The following OTC variants were observed in gnomAD, a reference collection of about 807,000 sequenced individuals.
OTC encodes ornithine transcarbamylase, mitochondrial.
In OTC, 3 loss-of-function variants were observed where a neutral mutation model predicts 30.3. The observed-to-expected ratio is 0.10, with a 90% CI of 0.05 to 0.26. OTC has a LOEUF of 0.26. Ranked by LOEUF, OTC falls within the 10% of genes least tolerant of loss-of-function variation. OTC has a pLI of 1.00. For synonymous variants in OTC, 111 were observed against 99.7 expected (o/e 1.11, Z -0.67); for missense variants, 194 against 260.3 (o/e 0.75, Z 1.75).
At chrX:38,327,719 G>A in the OTC span, among the ~76,000 whole-genome samples, 1 of 113,036 alleles carries the variant, frequency 8.8e-6, no homozygotes, top group Non-Finnish European at 1.9e-5. Context: ...GTGATGCTGT[G>A]GAGTCCGCGC....
chrX:38,368,797 A>G (rs1322595223), intron 2 of OTC, among the ~76,000 whole-genome samples: 2 of 102,124 alleles, frequency 2.0e-5, no homozygotes, highest in Non-Finnish European at 4.0e-5. Flanking sequence ...TGTTCCTATA[A>G]AACACCTGAA....
rs751148943 is a variant in OTC at position 38,418,295 on chromosome X, G to A, written c.1006-2728G>A. ...ATTTGTATGTCTTCTTTGGAAAAAT[G>A]CCTGTTCAGGTCCTTTGCCCATTTT... On this transcript the variant is annotated intron_variant, in intron 9 of 9. Transcript: ENST00000039007. Among the ~76,000 whole-genome samples, 5 of 111,755 alleles carry A rather than the reference G, an allele frequency of 4.5e-5. No homozygotes were observed. In the South Asian group the frequency reaches 1.9e-3, roughly 42 times the overall value.
chrX:38,331,413 C>T, the OTC span, among the ~76,000 whole-genome samples: 1 of 102,869 alleles, frequency 9.7e-6, no homozygotes, highest in African/African-American at 3.6e-5. Flanking sequence ...GCCACTACAC[C>T]CAGCTAATTT....
chrX:38,401,041 C>T (rs955713157), intron 4 of OTC, among the ~76,000 whole-genome samples: 12 of 111,979 alleles, frequency 1.1e-4, no homozygotes, highest in Non-Finnish European at 1.9e-4. Flanking sequence ...CCACAATTAT[C>T]TCCATAAAAA....
At chrX:38,332,969 G>C in the OTC span, among the ~76,000 whole-genome samples, 1 of 111,283 alleles carries the variant, frequency 9.0e-6, no homozygotes, top group East Asian at 2.8e-4. Flanking sequence ...CGTAATCCCA[G>C]AACTTTGGGA....
intron 6 of OTC, among the ~76,000 whole-genome samples, chrX:38,403,971 T>C (rs2068503761): frequency 8.9e-6 from 1 of 112,365 alleles, no homozygotes; most frequent in Non-Finnish European, 1.9e-5. Flanking sequence ...TTCTATGAGT[T>C]AGTGTTAAAA....
At position 38,421,373 on chromosome X, in the gene OTC, T is replaced by C; in HGVS notation, c.*291T>C. ...ATTTACTTCAACATAAAATACTGTG[T>C]TCATAATGTATAATGTCTAAGCCAT... On this transcript the variant is annotated 3_prime_UTR_variant, in exon 10 of 10. Coordinates refer to ENST00000039007, the MANE Select transcript of OTC (RefSeq NM_000531.6). The C allele has an allele frequency of 3.5e-6, 1 of 288,963 alleles. No individual in the cohort carries two copies. The highest frequency in any genetic ancestry group is 4.2e-5 in the South Asian group (1 of 23,907). The allele number at this position is 288,963 out of a possible 1,213,427, so 23.8% of individuals were successfully genotyped here. A position where few individuals can be genotyped will look rare whatever the true frequency, so the allele number is the denominator to read the frequency against.
chrX:38,420,946 A>C, intron 9 of OTC, 77 bp from the exon 10 acceptor site: 94 of 666,648 alleles, frequency 1.4e-4, no homozygotes, highest in Non-Finnish European at 2.1e-4. Flanking sequence ...GCTGAAACCT[A>C]ATTCACCTTC....
intron 8 of OTC, among the ~76,000 whole-genome samples, chrX:38,411,436 C>T (rs2068541494): frequency 9.2e-6 from 1 of 108,850 alleles, no homozygotes; most frequent in Admixed American, 9.8e-5. Context: ...AGAGGCGAGG[C>T]GGGCGGATCA....
In OTC at chrX:38,408,755, A is replaced by C. The variant is rs1241382190; in HGVS notation, c.677A>C (p.Asp226Ala). 8.3e-7 allele frequency: 1 copy of C among 1,198,680 alleles called. No homozygotes were observed. Among genetic ancestry groups the C allele is most frequent in the African/African-American group, 1.8e-5 (1 of 57,069 alleles). Residue 226 changes from aspartate (D) to alanine (A), a missense_variant, in exon 7 of 10, where the codon GAT becomes GCT. Asp to Ala is a moderately radical substitution (Grantham distance 126). Transcript: ENST00000039007. The stretch of plus-strand genomic sequence containing the variant: ...TTCCTCCTTTAGGGTTATGAGCCGG[A>C]TGCTAGTGTAACCAAGTTGGCAGAG... The part of the protein sequence containing the change: ...QAATPKGYEP[D>A]ASVTKLAEQY...
intron 9 of OTC, among the ~76,000 whole-genome samples, 188 bp downstream of exon 9, chrX:38,412,187 T>C (rs2068547679): frequency 8.9e-6 from 1 of 112,229 alleles, no homozygotes. Flanking sequence ...TGTATTTGCA[T>C]GGAGTGAGAT....
chrX:38,384,398 C>T (rs995199821), intron 4 of OTC, among the ~76,000 whole-genome samples: 1 of 111,635 alleles, frequency 9.0e-6, no homozygotes, highest in Admixed American at 9.5e-5. Context: ...CTTAATCTGC[C>T]AAAATATCTG....
chrX:38,377,322 A>G (rs1017680704), intron 3 of OTC, among the ~76,000 whole-genome samples: 2 of 111,668 alleles, frequency 1.8e-5, no homozygotes, highest in Non-Finnish European at 3.8e-5. Flanking sequence ...AAGCAGTACT[A>G]AGAGGGACAT....
At chrX:38,342,617 T>C in the OTC span, among the ~76,000 whole-genome samples, 1 of 111,658 alleles carries the variant, frequency 9.0e-6, no homozygotes, top group East Asian at 2.8e-4. Context: ...TGGTAATACA[T>C]TGCATAACAA....
At chrX:38,364,272 A>T (rs1433155012) in intron 1 of OTC, among the ~76,000 whole-genome samples, 1 of 112,227 alleles carries the variant, frequency 8.9e-6, no homozygotes, top group African/African-American at 3.2e-5. Flanking sequence ...TACATTATGA[A>T]TCCATGTTTA....
At chrX:38,367,507 A>T in intron 2 of OTC, 78 bp downstream of exon 2, 1 of 850,971 alleles carries the variant, frequency 1.2e-6, no homozygotes, top group Non-Finnish European at 1.7e-6. Flanking sequence ...AGAAAGAGGG[A>T]AAAAAATACA....
chrX:38,350,893 T>C (rs143718506), upstream of OTC, among the ~76,000 whole-genome samples: 534 of 111,873 alleles, frequency 4.8e-3, 5 homozygotes, highest in African/African-American at 0.016. Context: ...ATGGGCTTTA[T>C]ATTAGCCTGT....
the OTC span, among the ~76,000 whole-genome samples, chrX:38,338,997 T>C: frequency 3.6e-5 from 4 of 111,570 alleles, no homozygotes; most frequent in Non-Finnish European, 7.5e-5. Flanking sequence ...TAGCAGCGGG[T>C]GGAGAAAGGG....
At position 38,406,253 on chromosome X, in the gene OTC, C is replaced by G. The variant is rs375129327; in HGVS notation, c.664-2489C>G. On this transcript the variant is annotated intron_variant, in intron 6 of 9. Transcript: ENST00000039007. ...AGATTTATTGTAAATTTTAGAAACACTGAAACGTTTCCAAGGCCATGATTA... is the reference window on the plus strand; with the variant it reads ...AGATTTATTGTAAATTTTAGAAACAGTGAAACGTTTCCAAGGCCATGATTA... 3.6e-5 allele frequency among the ~76,000 whole-genome samples: 4 copies of G among 112,004 alleles called. No homozygotes were observed. The East Asian group carries it at 1.1e-3, about 31-fold the overall frequency.
Sources: gnomAD v4.1 joint callset for allele counts (sites outside exome capture counted in the v4.1 genomes callset) on GRCh38, gnomAD v4.1.1 for gene constraint, MANE v1.5 for transcripts, NCBI Gene and HGNC (gene_info 2026-07-23, HGNC 2026-07-21) for gene names.